CSMD1: variants seen among roughly 807,000 people sequenced by gnomAD.
CSMD1 encodes the protein CUB and sushi domain-containing protein 1.
CSMD1 carries 213 observed loss-of-function variants against 417.5 expected under a neutral mutation model. That is an observed-to-expected ratio of 0.51 (90% CI 0.46 to 0.57). The LOEUF is 0.57. Ranked by LOEUF, CSMD1 falls within the 20% of genes least tolerant of loss-of-function variation. The pLI, the probability that CSMD1 is intolerant of heterozygous loss-of-function variation, is 0.00. For synonymous variants in CSMD1, 2,862 were observed against 1,736.8 expected, an observed-to-expected ratio of 1.65 and a Z score of -16.11; for missense variants, 6,923 against 4,529.7, an observed-to-expected ratio of 1.53 and a Z score of -15.17.
intron 11 of CSMD1, among the ~76,000 whole-genome samples, chr8:3,474,813 C>T (rs74906451): frequency 0.022 from 3,386 of 152,174 alleles, 229 homozygotes; most frequent in East Asian, 0.18. Context: ...CTCAATTTTT[C>T]CCCAAGTTGA....
intron 7 of CSMD1, among the ~76,000 whole-genome samples, chr8:3,703,907 G>GAAAATAC (rs1238064756): frequency 6.6e-6 from 1 of 151,922 alleles, no homozygotes; most frequent in East Asian, 1.9e-4. Flanking sequence ...CATCTCTACT[G>GAAAATAC]AAAATACAAA....
At chr8:4,590,240 C>T (rs1440980471) in intron 2 of CSMD1, among the ~76,000 whole-genome samples, 5 of 151,776 alleles carry the variant, frequency 3.3e-5, no homozygotes, top group Admixed American at 6.6e-5. Context: ...TAGTGTCTAG[C>T]GTCATACTTG....
intron 3 of CSMD1, among the ~76,000 whole-genome samples, chr8:4,309,078 G>C (rs992066372): frequency 2.0e-5 from 3 of 151,678 alleles, no homozygotes; most frequent in Non-Finnish European, 4.4e-5. Flanking sequence ...TTTTATGTTA[G>C]GTTATTTTTG....
chr8:4,731,850 A>T (rs1809894432), intron 1 of CSMD1, among the ~76,000 whole-genome samples: 1 of 152,208 alleles, frequency 6.6e-6, no homozygotes, highest in African/African-American at 2.4e-5. Flanking sequence ...TTGTCTTCTC[A>T]CATGGGCTTT....
chr8:3,191,050 A>G (rs1406385556), intron 33 of CSMD1, among the ~76,000 whole-genome samples: 1 of 152,200 alleles, frequency 6.6e-6, no homozygotes, highest in Non-Finnish European at 1.5e-5. Flanking sequence ...CCTGCTCTAC[A>G]GCACTGTGTT....
chr8:3,548,165 G>T (rs189721785), intron 10 of CSMD1, among the ~76,000 whole-genome samples: 61 of 152,228 alleles, frequency 4.0e-4, no homozygotes, highest in Non-Finnish European at 7.4e-5. Flanking sequence ...ACAATGTTAT[G>T]GGGGGTTCCT....
intron 2 of CSMD1, among the ~76,000 whole-genome samples, chr8:4,574,300 GA>G (rs1354045430): frequency 6.6e-6 from 1 of 152,164 alleles, no homozygotes; most frequent in Non-Finnish European, 1.5e-5. Context: ...GAAACTGTGG[GA>G]AAAGCATGCT....
At chr8:3,226,413 T>A (rs1798506512) in intron 27 of CSMD1, among the ~76,000 whole-genome samples, 1 of 151,718 alleles carries the variant, frequency 6.6e-6, no homozygotes, top group African/African-American at 2.4e-5. Context: ...CAAAACCTAG[T>A]CTCTACTAAA....
chr8:3,538,442 G>C (rs1798296061), intron 10 of CSMD1, among the ~76,000 whole-genome samples: 1 of 151,960 alleles, frequency 6.6e-6, no homozygotes, highest in African/African-American at 2.4e-5. Flanking sequence ...CCTCACCTGA[G>C]ATGATGCACC....
intron 37 of CSMD1, among the ~76,000 whole-genome samples, chr8:3,179,241 A>T (rs62502893): frequency 6.6e-6 from 1 of 152,170 alleles, no homozygotes; most frequent in Admixed American, 6.5e-5. Context: ...CACCGCGCCC[A>T]GCCTATAATC....
chr8:4,507,660 T>A (rs74924366), intron 2 of CSMD1, among the ~76,000 whole-genome samples: 11 of 152,266 alleles, frequency 7.2e-5, no homozygotes, highest in African/African-American at 2.6e-4. Context: ...GTGGGAGATA[T>A]CTGAGCAAGG....
intron 3 of CSMD1, among the ~76,000 whole-genome samples, chr8:4,371,062 T>G (rs1029500743): frequency 6.6e-6 from 1 of 152,204 alleles, no homozygotes; most frequent in Non-Finnish European, 1.5e-5. Context: ...AATCATCATT[T>G]CCCTTTGAAG....
intron 1 of CSMD1, among the ~76,000 whole-genome samples, chr8:4,799,966 T>C (rs2117276732): frequency 6.6e-6 from 1 of 151,668 alleles, no homozygotes; most frequent in African/African-American, 2.4e-5. Context: ...ACTACACTGA[T>C]GCTTCTCATT....
At chr8:3,158,756 T>G (rs1819695921) in intron 38 of CSMD1, among the ~76,000 whole-genome samples, 1 of 152,156 alleles carries the variant, frequency 6.6e-6, no homozygotes, top group Admixed American at 6.6e-5. Flanking sequence ...TTTATATTTT[T>G]CCTGATCGTG....
At chr8:3,350,704 C>G (rs1466983939) in intron 21 of CSMD1, among the ~76,000 whole-genome samples, 2 of 152,004 alleles carry the variant, frequency 1.3e-5, no homozygotes, top group African/African-American at 4.8e-5. Context: ...GCATTTAGGA[C>G]ATTAGCTATA....
rs1807758545 is a variant in CSMD1, at chr8:4,704,072, C to G, written c.86-66514G>C. Among the ~76,000 whole-genome samples, 5 of 152,324 alleles carry G rather than the reference C, an allele frequency of 3.3e-5. No homozygotes were observed. In the South Asian group the frequency reaches 1.0e-3, roughly 32 times the overall value. On this transcript the variant is annotated intron_variant, in intron 1 of 69. Coordinates refer to ENST00000635120, the MANE Select transcript of CSMD1 (RefSeq NM_033225.6). ...TGGTTCCCTGGCTGCTCACCTCCAGCTACGCAGACTGGTTCCTAACAGGCC... is the reference window on the plus strand; with the variant it reads ...TGGTTCCCTGGCTGCTCACCTCCAGGTACGCAGACTGGTTCCTAACAGGCC...
chr8:4,470,152 C>G (rs988069854), intron 2 of CSMD1, among the ~76,000 whole-genome samples: 3 of 151,976 alleles, frequency 2.0e-5, no homozygotes, highest in Non-Finnish European at 4.4e-5. Context: ...TTACAGGTGG[C>G]CTTTGGTTTT....
At chr8:3,855,993 A>T (rs1297945445) in intron 5 of CSMD1, among the ~76,000 whole-genome samples, 1 of 151,548 alleles carries the variant, frequency 6.6e-6, no homozygotes, top group Non-Finnish European at 1.5e-5. Context: ...GTATTAATCA[A>T]TTTTTTTTTG....
chr8:3,451,450 G>T (rs4875708), intron 12 of CSMD1, among the ~76,000 whole-genome samples: 124,688 of 152,192 alleles, frequency 0.82, 51,680 homozygotes, highest in African/African-American at 0.95. Flanking sequence ...TGGTTTTAGG[G>T]CTAACATTTA....
Sources: allele counts gnomAD v4.1 joint callset (sites outside exome capture counted in the v4.1 genomes callset), GRCh38; gene constraint gnomAD v4.1.1; transcripts MANE v1.5; gene names NCBI Gene and HGNC (gene_info 2026-07-23, HGNC 2026-07-21).